Variants in GLTP observed in about 807,000 individuals in gnomAD.
GLTP encodes glycolipid transfer protein.
A neutral mutation model predicts 24.0 loss-of-function variants in GLTP; 22 were observed. The ratio of observed to expected loss-of-function variants is 0.92; its 90% CI spans 0.65 to 1.31. The LOEUF is 1.31. Ranked by LOEUF, GLTP falls within the 50% of genes most tolerant of loss-of-function variation. The pLI, the probability that GLTP is intolerant of heterozygous loss-of-function variation, is 0.00. For missense variants in GLTP, 224 were observed against 276.6 expected, an observed-to-expected ratio of 0.81 and a Z score of 1.35; for synonymous variants, 92 against 115.9, an observed-to-expected ratio of 0.79 and a Z score of 1.33.
chr12:109,855,807 C>A lies in GLTP; in HGVS notation c.297-38G>T. On this transcript the variant is annotated intron_variant, in intron 3 of 4. Transcript: ENST00000318348. This position sits in a 1 kb window ranked among gnomAD's most constrained non-coding sequence, Gnocchi z 4.1. Reference sequence around the variant, plus strand: ...GAGGAGAAGGTTCGTTAGGACCCTGCACAGCCCTGTCGTGAAAGACCCTGA... The same window carrying A: ...GAGGAGAAGGTTCGTTAGGACCCTGAACAGCCCTGTCGTGAAAGACCCTGA... The A allele has an allele frequency of 1.3e-6, 2 of 1,514,318 alleles. No homozygotes were observed. The highest frequency in any genetic ancestry group is 1.8e-6 in the Non-Finnish European group (2 of 1,129,472). The allele number at this position is 1,514,318 out of a possible 1,614,324, so 93.8% of individuals were successfully genotyped here. A position where few individuals can be genotyped will look rare whatever the true frequency, so the allele number is the denominator to read the frequency against.
chr12:109,858,901 C>T (rs749037681), intron 1 of GLTP, among the ~76,000 whole-genome samples, 160 bp from the exon 2 acceptor site: 1 of 152,146 alleles, frequency 6.6e-6, no homozygotes, highest in Non-Finnish European at 1.5e-5. Context: ...TTGGGTGCAG[C>T]CCCCAGCTCT....
chr12:109,874,582 G>A (rs550140557), intron 1 of GLTP, among the ~76,000 whole-genome samples: 2 of 152,166 alleles, frequency 1.3e-5, no homozygotes, highest in Admixed American at 1.3e-4. Flanking sequence ...GAGCAAATAG[G>A]TATCATCTCA....
intron 1 of GLTP, among the ~76,000 whole-genome samples, chr12:109,865,960 T>A (rs527365088): frequency 3.0e-4 from 46 of 151,840 alleles, no homozygotes; most frequent in African/African-American, 1.1e-3. Context: ...AACAGAAACC[T>A]CCTATATGGG....
chr12:109,855,903 T>G lies in GLTP; in HGVS notation c.297-134A>C. On this transcript the variant is annotated intron_variant, in intron 3 of 4. Coordinates refer to ENST00000318348, the MANE Select transcript of GLTP (RefSeq NM_016433.4). This position sits in a 1 kb window ranked among gnomAD's most constrained non-coding sequence, Gnocchi z 4.1. ...CCCAGAGGGAGTGGTTATTCCCTAA[T>G]CATCTTTCCCTTCTGCTTACAAGTA... 1 of 629,916 alleles carries G rather than the reference T, an allele frequency of 1.6e-6. No individual in the cohort carries two copies. The highest frequency in any genetic ancestry group is 2.6e-6 in the Non-Finnish European group (1 of 381,156). 39.0% of individuals were successfully genotyped at this position (629,916 alleles called of 1,614,324 possible). A position where few individuals can be genotyped will look rare whatever the true frequency, so the allele number is the denominator to read the frequency against.
chr12:109,854,869 G>T (rs1892775641), intron 4 of GLTP, among the ~76,000 whole-genome samples: 1 of 152,180 alleles, frequency 6.6e-6, no homozygotes, highest in Non-Finnish European at 1.5e-5. Flanking sequence ...TTCTGCCCCA[G>T]CCTGCTTGCA....
chr12:109,858,282 G>A, intron 2 of GLTP: 3 of 456,622 alleles, frequency 6.6e-6, no homozygotes, highest in South Asian at 1.6e-5. Context: ...GCCCTTGGCT[G>A]GGCCCTAGGT....
At chr12:109,854,386 A>T (rs1345346715) in intron 4 of GLTP, among the ~76,000 whole-genome samples, 2 of 150,306 alleles carry the variant, frequency 1.3e-5, no homozygotes, top group Non-Finnish European at 3.0e-5. Flanking sequence ...AAAAAAAAAA[A>T]GTAATAGCTT....
chr12:109,864,200 G>T (rs1312482642), intron 1 of GLTP, among the ~76,000 whole-genome samples: 12 of 152,164 alleles, frequency 7.9e-5, no homozygotes, highest in Non-Finnish European at 1.3e-4. Context: ...CGAGGCAGGG[G>T]CTGGGAACAA....
Position 109,851,748 on chromosome 12 carries a change from G to A in GLTP, c.*807C>T, listed in dbSNP as rs1299606573. On this transcript the variant is annotated 3_prime_UTR_variant, in exon 5 of 5. Coordinates refer to ENST00000318348, the MANE Select transcript of GLTP (RefSeq NM_016433.4). ...CCCAAGAAGATGGGATTACAGGCGTGCGCTACCATGCCTGGCTAATTCTAT... is the reference window on the plus strand; with the variant it reads ...CCCAAGAAGATGGGATTACAGGCGTACGCTACCATGCCTGGCTAATTCTAT... The A allele has an allele frequency of 6.6e-6, 1 of 151,792 alleles. No homozygotes were observed. The highest frequency in any genetic ancestry group is 2.4e-5 in the African/African-American group (1 of 41,258). 9.4% of individuals were successfully genotyped at this position (151,792 alleles called of 1,614,324 possible). A position where few individuals can be genotyped will look rare whatever the true frequency, so the allele number is the denominator to read the frequency against.
Position 109,852,469 on chromosome 12 carries a change from G to T in GLTP, c.*86C>A. 1 of 885,616 alleles carries T rather than the reference G, an allele frequency of 1.1e-6. No individual in the cohort carries two copies. The allele number at this position is 885,616 out of a possible 1,614,324, so 54.9% of individuals were successfully genotyped here. On this transcript the variant is annotated 3_prime_UTR_variant, in exon 5 of 5. Coordinates refer to ENST00000318348, the MANE Select transcript of GLTP (RefSeq NM_016433.4). ...CTCTGGGGGACACAGGCCAGGGGCA[G>T]TTCACCGACTTGATTCACAGTGATT...
At chr12:109,856,827 G>A (rs1892803239) in intron 3 of GLTP, among the ~76,000 whole-genome samples, 1 of 152,204 alleles carries the variant, frequency 6.6e-6, no homozygotes, top group Non-Finnish European at 1.5e-5. Flanking sequence ...CTTGAGGCCA[G>A]GAGTTTGAGA....
intron 1 of GLTP, among the ~76,000 whole-genome samples, chr12:109,873,026 G>T (rs561415659): frequency 6.6e-6 from 1 of 152,202 alleles, no homozygotes; most frequent in East Asian, 1.9e-4. Flanking sequence ...GTTTTGTTTT[G>T]TTTTGTTTTG....
chr12:109,858,852 G>A (rs1892836792), intron 1 of GLTP, 111 bp from the exon 2 acceptor site: 1 of 762,042 alleles, frequency 1.3e-6, no homozygotes, highest in East Asian at 2.5e-5. Context: ...GTCCCGGGGA[G>A]AGCTGAGTTG....
chr12:109,871,169 C>T (rs550369341), intron 1 of GLTP, among the ~76,000 whole-genome samples: 4 of 150,946 alleles, frequency 2.6e-5, no homozygotes, highest in African/African-American at 7.3e-5. Context: ...CTGTAACCTC[C>T]GCCTCCTGGG....
intron 1 of GLTP, among the ~76,000 whole-genome samples, chr12:109,863,509 GAA>G (rs1289985173): frequency 6.6e-6 from 1 of 152,204 alleles, no homozygotes; most frequent in Non-Finnish European, 1.5e-5. Flanking sequence ...ATGAGTGAAT[GAA>G]TGGACTGTGG....
At chr12:109,869,319 AAGAAAG>A (rs1361624919) in intron 1 of GLTP, among the ~76,000 whole-genome samples, 1 of 131,872 alleles carries the variant, frequency 7.6e-6, no homozygotes, top group African/African-American at 2.9e-5. Flanking sequence ...AAAAAAAAAA[AAGAAAG>A]AAAGAAAGAA....
rs761951056 is a variant in GLTP, at chr12:109,880,350, G to A, written c.25C>T (p.Leu9=). Residue 9 remains leucine, a synonymous_variant, in exon 1 of 5, where the codon CTG becomes TTG. Transcript: ENST00000318348. The surrounding 1 kb of genome is among the most constrained non-coding windows in gnomAD (Gnocchi z 5.1). MALLAEHL[L]KPLPADKQIE... is the part of the protein sequence containing the mutation. The stretch of plus-strand genomic sequence containing the variant: ...TGCTTGTCCGCGGGCAGCGGCTTCA[G>A]CAAGTGTTCGGCCAGCAGCGCCATT... 2.5e-6 allele frequency: 4 copies of A among 1,595,368 alleles called. No individual in the cohort carries two copies. The highest frequency in any genetic ancestry group is 1.4e-5 in the African/African-American group (1 of 73,920).
At chr12:109,867,442 C>A (rs757864490) in intron 1 of GLTP, among the ~76,000 whole-genome samples, 41 of 152,182 alleles carry the variant, frequency 2.7e-4, no homozygotes, top group Admixed American at 5.2e-4. Flanking sequence ...AGCTACCGTG[C>A]CCAGCCAAAT....
rs1444872456 is a variant in GLTP at position 109,880,087 on chromosome 12, G to A, written c.103+185C>T. Reference sequence around the variant, plus strand: ...CAGGATGTGACATGTTTAGAGCGGAGAGGACTTGGGAGTGGTCCGGGAAAG... The same window carrying A: ...CAGGATGTGACATGTTTAGAGCGGAAAGGACTTGGGAGTGGTCCGGGAAAG... On this transcript the variant is annotated intron_variant, in intron 1 of 4. Coordinates refer to ENST00000318348, the MANE Select transcript of GLTP (RefSeq NM_016433.4). This position sits in a 1 kb window ranked among gnomAD's most constrained non-coding sequence, Gnocchi z 5.1. 6.6e-6 allele frequency among the ~76,000 whole-genome samples: 1 copy of A among 152,066 alleles called. No individual in the cohort carries two copies. The highest frequency in any genetic ancestry group is 6.6e-5 in the Admixed American group (1 of 15,258).
Sources: gnomAD v4.1 joint callset for allele counts (sites outside exome capture counted in the v4.1 genomes callset) on GRCh38, gnomAD v4.1.1 for gene constraint, Gnocchi (gnomAD v3.1) non-coding constraint, MANE v1.5 for transcripts, NCBI Gene and HGNC (gene_info 2026-07-23, HGNC 2026-07-21) for gene names.